The following PRR19 variants were observed in gnomAD, a reference collection of about 807,000 sequenced individuals.
PRR19 encodes proline rich 19.
A neutral mutation model predicts 19.2 loss-of-function variants in PRR19; 9 were observed. The ratio of observed to expected loss-of-function variants is 0.47; its 90% CI spans 0.28 to 0.82. The LOEUF is 0.82. PRR19 is among the 40% of genes least tolerant of loss of function. The probability of loss-of-function intolerance (pLI) is 0.11; values close to 1 mark genes in which losing one functional copy is unlikely to be tolerated. For missense variants in PRR19, 457 were observed against 466.0 expected (o/e 0.98, Z 0.18); for synonymous variants, 190 against 191.0 (o/e 0.99, Z 0.04).
Position 42,309,654 on chromosome 19 carries a change from A to G in PRR19, c.70A>G (p.Lys24Glu), listed in dbSNP as rs2038759880. 1 of 1,578,404 alleles carries G rather than the reference A, an allele frequency of 6.3e-7. No individual in the cohort carries two copies. Among genetic ancestry groups the G allele is most frequent in the Non-Finnish European group, 8.6e-7 (1 of 1,158,998 alleles). The part of the protein sequence containing the change: ...PEKPGRVRRR[K>E]TRRERNKALV... ...GAAACCTGGTCGTGTCCGTCGTCGG[A>G]AGACTAGGCGGGAACGTAACAAGGC... Residue 24 changes from lysine (K) to glutamate (E), a missense_variant, in exon 2 of 3, where the codon AAG becomes GAG. Transcript: ENST00000341747.
rs1310216789 is a variant in PRR19, at chr19:42,302,230, A to AC, written c.-278dup. The AC allele has an allele frequency of 6.3e-6, 10 of 1,592,366 alleles. No individual in the cohort carries two copies. The highest frequency in any genetic ancestry group is 8.5e-6 in the Non-Finnish European group (10 of 1,169,602). ...CTCAATATCCCAGGTGGGAACGCTCACCAGGGACATCCAGCGCCCGTCGCC... is the reference window on the plus strand; with the variant it reads ...CTCAATATCCCAGGTGGGAACGCTCACCCAGGGACATCCAGCGCCCGTCGCC... On this transcript the variant is annotated 5_prime_UTR_variant, in exon 1 of 3. Transcript: ENST00000341747.
rs1599968095 is a variant in PRR19, at chr19:42,310,193, T to C, written c.601+8T>C. The C allele has an allele frequency of 1.2e-6, 2 of 1,613,926 alleles. No individual in the cohort carries two copies. Among genetic ancestry groups the C allele is most frequent in the Non-Finnish European group, 1.7e-6 (2 of 1,180,000 alleles). On this transcript the variant is annotated splice_region_variant and intron_variant, in intron 2 of 2. Transcript: ENST00000341747. ...GCCAGCCACCCTTGCCAGGTGAGCGTCCCTCCTGCCCCTGTACTCCCCTTT... is the reference window on the plus strand; with the variant it reads ...GCCAGCCACCCTTGCCAGGTGAGCGCCCCTCCTGCCCCTGTACTCCCCTTT...
chr19:42,305,019 C>T (rs2147393887), intron 1 of PRR19, among the ~76,000 whole-genome samples: 1 of 151,474 alleles, frequency 6.6e-6, no homozygotes, highest in Admixed American at 6.6e-5. Flanking sequence ...ACCAGTCTGA[C>T]CAACATAGCA....
chr19:42,309,904 C>T lies in PRR19; in HGVS notation c.320C>T (p.Ser107Phe), dbSNP rs776961035. 1.5e-5 allele frequency: 24 copies of T among 1,613,858 alleles called. No homozygotes were observed. In the African/African-American group the frequency reaches 2.9e-4, roughly 20 times the overall value. ...AGCCCCACACTCCCCGCCAAGCCCT[C>T]CCCAAGCCCAGGCAGGGCCCAGGAA... Reference protein sequence around the residue: ...PGSPTLPAKPSPSPGRAQEPA... With the variant: ...PGSPTLPAKPFPSPGRAQEPA... Residue 107 changes from serine to phenylalanine, a missense_variant, in exon 2 of 3, where the codon TCC becomes TTC. By Grantham distance (155) the Ser-to-Phe change is radical (BLOSUM62 -2). Coordinates refer to ENST00000341747, the MANE Select transcript of PRR19 (RefSeq NM_199285.3).
In PRR19 at chr19:42,310,705, G is replaced by A; in HGVS notation, c.1036G>A (p.Glu346Lys). 6.4e-7 allele frequency: 1 copy of A among 1,573,694 alleles called. No individual in the cohort carries two copies. Among genetic ancestry groups the A allele is most frequent in the Non-Finnish European group, 8.6e-7 (1 of 1,159,290 alleles). The change falls in exon 3 of 3, where the codon GAA (glutamate) becomes AAA (lysine). Residue 346 changes from glutamate (E) to lysine (K), a missense_variant. Coordinates refer to ENST00000341747, the MANE Select transcript of PRR19 (RefSeq NM_199285.3). ...CTGGGTAGTAGCCCAGAGCAGTCCG[G>A]AAGCCTGGTCTTTTCCACCCATGAG... Reference protein sequence around the residue: ...LSWVVAQSSPEAWSFPPMRLY With the variant: ...LSWVVAQSSPKAWSFPPMRLY
Position 42,309,579 on chromosome 19 carries a change from G to A in PRR19, c.-6G>A, listed in dbSNP as rs1356536862. The A allele has an allele frequency of 1.3e-6, 2 of 1,515,808 alleles. No homozygotes were observed. Among genetic ancestry groups the A allele is most frequent in the South Asian group, 2.6e-5 (2 of 76,040 alleles). The allele number at this position is 1,515,808 out of a possible 1,614,324, so 93.9% of individuals were successfully genotyped here. A position where few individuals can be genotyped will look rare whatever the true frequency, so the allele number is the denominator to read the frequency against. ...TGGCCACCCTATCTTTATATTCCAG[G>A]ACACCATGGATACCCAGGGACCAGT... On this transcript the variant is annotated splice_region_variant and 5_prime_UTR_variant, in exon 2 of 3. Coordinates refer to ENST00000341747, the MANE Select transcript of PRR19 (RefSeq NM_199285.3).
intron 1 of PRR19, among the ~76,000 whole-genome samples, chr19:42,304,131 T>C (rs1426979287): frequency 6.9e-6 from 1 of 144,152 alleles, no homozygotes; most frequent in South Asian, 2.3e-4. Context: ...AAAAAAAAAA[T>C]TAGCTAGGCA....
At position 42,310,440 on chromosome 19, in the gene PRR19, G is replaced by A. The variant is rs1231170334; in HGVS notation, c.771G>A (p.Pro257=). ...CTGCGCACAGGGGGAGTCTGGCACC[G>A]CCAAGAGGTCCCTGGCCACCATACT... The part of the protein sequence containing the change: ...MPTAHRGSLA[P]PRGPWPPYFP... Residue 257 remains proline, a synonymous_variant, in exon 3 of 3, where the codon CCG becomes CCA. Coordinates refer to ENST00000341747, the MANE Select transcript of PRR19 (RefSeq NM_199285.3). 1.1e-5 allele frequency: 17 copies of A among 1,614,046 alleles called. No individual in the cohort carries two copies. Among genetic ancestry groups the A allele is most frequent in the Admixed American group, 3.3e-5 (2 of 60,014 alleles).
intron 1 of PRR19, among the ~76,000 whole-genome samples, chr19:42,304,451 TA>T (rs765120547): frequency 0.016 from 1,286 of 82,120 alleles, 10 homozygotes; most frequent in African/African-American, 0.02. Flanking sequence ...AGACCCTGTC[TA>T]AAAAAAAAAA....
In PRR19 at chr19:42,310,671, C is replaced by G. The variant is rs894323079; in HGVS notation, c.1002C>G (p.Pro334=). Residue 334 remains proline, a synonymous_variant, in exon 3 of 3, where the codon CCC becomes CCG. Transcript: ENST00000341747. Reference sequence around the variant, plus strand: ...GCCCCAGCCCCCCTTCCCCACTGCCCAGCCTCTCCTGGGTAGTAGCCCAGA... The same window carrying G: ...GCCCCAGCCCCCCTTCCCCACTGCCGAGCCTCTCCTGGGTAGTAGCCCAGA... ...DWSPSPPSPL[P]SLSWVVAQSS... The G allele has an allele frequency of 6.2e-7, 1 of 1,608,568 alleles. No individual in the cohort carries two copies. Among genetic ancestry groups the G allele is most frequent in the Non-Finnish European group, 8.5e-7 (1 of 1,177,170 alleles).
Position 42,310,349 on chromosome 19 carries a change from G to A in PRR19, c.680G>A (p.Arg227Lys). 1 of 1,614,138 alleles carries A rather than the reference G, an allele frequency of 6.2e-7. No individual in the cohort carries two copies. The highest frequency in any genetic ancestry group is 1.3e-5 in the African/African-American group (1 of 75,044). The change falls in exon 3 of 3, where the codon AGG becomes AAG. Residue 227 changes from arginine (R) to lysine (K), a missense_variant. Coordinates refer to ENST00000341747, the MANE Select transcript of PRR19 (RefSeq NM_199285.3). ...NSPDQVPEQERQRKQQGTKEF... is the reference protein window; with the variant it reads ...NSPDQVPEQEKQRKQQGTKEF... ...CCTGATCAAGTCCCAGAGCAGGAGA[G>A]GCAAAGGAAGCAACAAGGGACAAAG...
intron 1 of PRR19, among the ~76,000 whole-genome samples, chr19:42,303,013 G>T (rs2147390916): frequency 6.6e-6 from 1 of 151,430 alleles, no homozygotes; most frequent in East Asian, 2.0e-4. Flanking sequence ...GCCGCGCCAG[G>T]GCTTTAGTGA....
intron 1 of PRR19, among the ~76,000 whole-genome samples, chr19:42,305,435 C>T (rs2038697717): frequency 1.3e-5 from 2 of 151,686 alleles, no homozygotes; most frequent in East Asian, 2.0e-4. Context: ...TGTGCCACCA[C>T]GCCCGGCTAA....
intron 1 of PRR19, among the ~76,000 whole-genome samples, chr19:42,308,151 A>G (rs1406588659): frequency 1.3e-5 from 2 of 151,758 alleles, no homozygotes; most frequent in African/African-American, 4.8e-5. Context: ...GACTCCTTCG[A>G]CTTCATCTTA....
intron 1 of PRR19, among the ~76,000 whole-genome samples, chr19:42,306,138 C>T (rs2038704123): frequency 6.6e-6 from 1 of 152,198 alleles, no homozygotes; most frequent in Non-Finnish European, 1.5e-5. Flanking sequence ...CCTCCTGCAT[C>T]AGCCTCCCAA....
chr19:42,302,372 G>A lies in PRR19; in HGVS notation c.-138G>A. The A allele has an allele frequency of 6.9e-7, 1 of 1,451,560 alleles. No individual in the cohort carries two copies. The allele number at this position is 1,451,560 out of a possible 1,614,324, so 89.9% of individuals were successfully genotyped here. A position where few individuals can be genotyped will look rare whatever the true frequency, so the allele number is the denominator to read the frequency against. ...TCGGCCCGGGAGTGTTCCGAACGGA[G>A]CTGGCTCCGCCACGCCCACTCCTAC... On this transcript the variant is annotated 5_prime_UTR_variant, in exon 1 of 3. Coordinates refer to ENST00000341747, the MANE Select transcript of PRR19 (RefSeq NM_199285.3).
At chr19:42,307,930 GGTA>G (rs1188117040) in intron 1 of PRR19, among the ~76,000 whole-genome samples, 1 of 149,844 alleles carries the variant, frequency 6.7e-6, no homozygotes, top group Non-Finnish European at 1.5e-5. Flanking sequence ...GCTAATTTTT[GGTA>G]TTTTTAGTAG....
rs1008542685 is a variant in PRR19 at position 42,302,339 on chromosome 19, G to T, written c.-171G>T. Reference sequence around the variant, plus strand: ...GCGCCGCAGCTCCTGCAGGATGAGCGAGTCGGGTCGGCCCGGGAGTGTTCC... The same window carrying T: ...GCGCCGCAGCTCCTGCAGGATGAGCTAGTCGGGTCGGCCCGGGAGTGTTCC... On this transcript the variant is annotated 5_prime_UTR_variant, in exon 1 of 3. An upstream open reading frame in the 5' UTR gains an earlier in-frame stop. Transcript: ENST00000341747. The T allele has an allele frequency of 3.2e-6, 5 of 1,565,604 alleles. No homozygotes were observed. The Admixed American group carries it at 5.5e-5, about 17-fold the overall frequency.
intron 1 of PRR19, among the ~76,000 whole-genome samples, chr19:42,305,993 T>G (rs970208874): frequency 6.6e-6 from 1 of 152,158 alleles, no homozygotes; most frequent in Non-Finnish European, 1.5e-5. Context: ...TGCCCCAGCC[T>G]GCTGAGTCGC....
Sources: allele counts gnomAD v4.1 joint callset (sites outside exome capture counted in the v4.1 genomes callset), GRCh38; gene constraint gnomAD v4.1.1; transcripts MANE v1.5; gene names NCBI Gene and HGNC (gene_info 2026-07-23, HGNC 2026-07-21).